The following OPCML variants were observed in gnomAD, a reference collection of about 807,000 sequenced individuals.
OPCML encodes the protein opioid-binding protein/cell adhesion molecule.
Under a neutral mutation model 37.8 loss-of-function variants are expected in OPCML, and 13 were observed. The observed-to-expected ratio is 0.34, with a 90% CI of 0.22 to 0.55. OPCML has a LOEUF of 0.55. Among genes scored for constraint, OPCML ranks in the 20% least tolerant of loss-of-function variants. The pLI is 0.91. For missense variants in OPCML, 341 were observed against 435.6 expected (o/e 0.78, Z 1.93); for synonymous variants, 176 against 168.8 (o/e 1.04, Z -0.33).
intron 3 of OPCML, among the ~76,000 whole-genome samples, chr11:132,557,126 TA>T (rs1277537887): frequency 1.3e-5 from 2 of 152,168 alleles, no homozygotes; most frequent in Non-Finnish European, 2.9e-5. Context: ...AAAGTAATAA[TA>T]AAATAACAAT....
chr11:132,423,374 A>G (rs2095966753), intron 7 of OPCML, among the ~76,000 whole-genome samples: 2 of 152,230 alleles, frequency 1.3e-5, no homozygotes, highest in Admixed American at 1.3e-4. Context: ...TTAATCCACT[A>G]CGATACACAG....
At chr11:132,471,337 A>G (rs1430998464) in intron 4 of OPCML, among the ~76,000 whole-genome samples, 1 of 152,106 alleles carries the variant, frequency 6.6e-6, no homozygotes, top group Non-Finnish European at 1.5e-5. Context: ...CTCTTGACTC[A>G]GTTATCTATT....
At chr11:133,459,875 G>A (rs1946820158) in intron 1 of OPCML, among the ~76,000 whole-genome samples, 1 of 151,976 alleles carries the variant, frequency 6.6e-6, no homozygotes, top group South Asian at 2.1e-4. Flanking sequence ...AACTGGACCT[G>A]ACACACATAT....
chr11:132,850,520 T>A (rs201638666), intron 2 of OPCML, among the ~76,000 whole-genome samples: 4,377 of 116,982 alleles, frequency 0.037, 104 homozygotes, highest in East Asian at 0.12. Flanking sequence ...GGAAAGGGTG[T>A]GTGTGTGTGT....
At chr11:133,401,926 G>A (rs1389290886) in intron 1 of OPCML, among the ~76,000 whole-genome samples, 1 of 152,136 alleles carries the variant, frequency 6.6e-6, no homozygotes, top group Non-Finnish European at 1.5e-5. Context: ...GCAGCAGCCA[G>A]GCAAATTCTA....
intron 2 of OPCML, among the ~76,000 whole-genome samples, chr11:132,891,403 A>G (rs1565941390): frequency 6.6e-6 from 1 of 152,172 alleles, no homozygotes; most frequent in Non-Finnish European, 1.5e-5. Flanking sequence ...TATTTTTCTT[A>G]AAATACTTAC....
At chr11:133,018,774 G>A (rs569561189) in intron 1 of OPCML, among the ~76,000 whole-genome samples, 29 of 152,308 alleles carry the variant, frequency 1.9e-4, no homozygotes, top group African/African-American at 6.0e-4. Context: ...CTATGGCCCC[G>A]TGTACCCCGA....
chr11:132,893,584 TG>T (rs1405776885), intron 2 of OPCML, among the ~76,000 whole-genome samples: 4 of 152,240 alleles, frequency 2.6e-5, no homozygotes, highest in Non-Finnish European at 5.9e-5. Flanking sequence ...AGGAGCTCTC[TG>T]AGAAAGAAGC....
In OPCML at chr11:132,996,575, C is replaced by T. The variant is rs184985380; in HGVS notation, c.62-53565G>A. Among the ~76,000 whole-genome samples, 409 of 149,500 alleles carry T rather than the reference C, an allele frequency of 2.7e-3. 4 individuals carry two copies. Among genetic ancestry groups the T allele is most frequent in the Admixed American group, 4.2e-3 (63 of 14,944 alleles). On this transcript the variant is annotated intron_variant, in intron 1 of 7. Transcript: ENST00000524381. ...CAGAGGTTGCAGTGAGTCAAGATTG[C>T]GCCACTGCACTCCAGCCTGGGCAAC...
chr11:133,245,838 A>G (rs1173856137), intron 1 of OPCML, among the ~76,000 whole-genome samples: 1 of 152,196 alleles, frequency 6.6e-6, no homozygotes. Flanking sequence ...AAAGCCGGAA[A>G]CCATCTTTCT....
chr11:132,923,930 A>G (rs1944899856), intron 2 of OPCML, among the ~76,000 whole-genome samples: 1 of 151,648 alleles, frequency 6.6e-6, no homozygotes, highest in South Asian at 2.1e-4. Flanking sequence ...CGCCCAGCTA[A>G]TTTTGTATCT....
chr11:133,319,232 G>C (rs1943274188), intron 1 of OPCML, among the ~76,000 whole-genome samples: 2 of 152,114 alleles, frequency 1.3e-5, no homozygotes, highest in Non-Finnish European at 1.5e-5. Context: ...CATCATGTTG[G>C]CAAGTCAAGA....
At chr11:133,254,934 G>A (rs1941262042) in intron 1 of OPCML, among the ~76,000 whole-genome samples, 1 of 152,138 alleles carries the variant, frequency 6.6e-6, no homozygotes, top group Admixed American at 6.5e-5. Context: ...GAAGAATCGG[G>A]CAAACAGACC....
chr11:133,035,201 C>T (rs552899277), intron 1 of OPCML, among the ~76,000 whole-genome samples: 6 of 152,282 alleles, frequency 3.9e-5, no homozygotes, highest in Non-Finnish European at 2.9e-5. Context: ...GAGGGTGTGC[C>T]GGGCGGCTTG....
intron 3 of OPCML, among the ~76,000 whole-genome samples, chr11:132,614,949 C>G (rs941694266): frequency 1.1e-4 from 17 of 152,182 alleles, no homozygotes; most frequent in African/African-American, 3.9e-4. Context: ...GTTTTTATTG[C>G]CAGTCAGCTG....
At chr11:133,474,617 G>A (rs890104129) in intron 1 of OPCML, among the ~76,000 whole-genome samples, 2 of 152,220 alleles carry the variant, frequency 1.3e-5, no homozygotes, top group South Asian at 2.1e-4. Flanking sequence ...GGGGTATGGG[G>A]CAAGGTAGCC....
intron 4 of OPCML, among the ~76,000 whole-genome samples, chr11:132,447,384 C>G (rs1001400274): frequency 1.3e-5 from 2 of 152,152 alleles, no homozygotes; most frequent in Non-Finnish European, 2.9e-5. Context: ...CTGCAACCTC[C>G]ACATCCTGGG....
chr11:132,987,493 G>A (rs1431955134), intron 1 of OPCML, among the ~76,000 whole-genome samples: 2 of 152,164 alleles, frequency 1.3e-5, no homozygotes, highest in South Asian at 2.1e-4. Context: ...GTTTGTGAAA[G>A]GCCCCATTGC....
chr11:133,097,386 G>A (rs908443482), intron 1 of OPCML, among the ~76,000 whole-genome samples: 18 of 152,282 alleles, frequency 1.2e-4, no homozygotes, highest in Admixed American at 3.9e-4. Context: ...TGTGATGCAC[G>A]TAAAGCATGC....
Sources: allele counts gnomAD v4.1 joint callset (sites outside exome capture counted in the v4.1 genomes callset), GRCh38; gene constraint gnomAD v4.1.1; transcripts MANE v1.5; gene names NCBI Gene and HGNC (gene_info 2026-07-23, HGNC 2026-07-21).